Variants in CSMD3 observed in about 807,000 individuals in gnomAD.
CSMD3 encodes CUB and Sushi multiple domains 3.
A neutral mutation model predicts 435.2 loss-of-function variants in CSMD3; 177 were observed. The ratio of observed to expected loss-of-function variants is 0.41; its 90% CI spans 0.36 to 0.46. The LOEUF (loss-of-function observed/expected upper bound fraction) is 0.46. Ranked by LOEUF, CSMD3 falls within the 20% of genes least tolerant of loss-of-function variation. CSMD3 has a pLI of 0.34. For synonymous variants in CSMD3, 1,656 were observed against 1,520.5 expected, an observed-to-expected ratio of 1.09 and a Z score of -2.07; for missense variants, 4,265 against 4,504.6, an observed-to-expected ratio of 0.95 and a Z score of 1.52.
At chr8:112,238,742 A>T (rs1036505775) in intron 66 of CSMD3, among the ~76,000 whole-genome samples, 6 of 151,920 alleles carry the variant, frequency 3.9e-5, no homozygotes, top group Admixed American at 3.3e-4. Context: ...ATAAGTGTTG[A>T]ATTTGATCAA....
At chr8:112,305,082 C>CAGCAA (rs1821296106) in intron 51 of CSMD3, among the ~76,000 whole-genome samples, 167 bp from the exon 52 acceptor site, 1 of 152,100 alleles carries the variant, frequency 6.6e-6, no homozygotes, top group East Asian at 1.9e-4. Flanking sequence ...ATTCCCCTAG[C>CAGCAA]TATATGGTAT....
chr8:112,596,271 G>T (rs1413882768), intron 22 of CSMD3, among the ~76,000 whole-genome samples: 5 of 152,024 alleles, frequency 3.3e-5, no homozygotes, highest in African/African-American at 1.2e-4. Flanking sequence ...GACAAAGAAG[G>T]CCATTACATA....
chr8:112,608,975 A>G (rs1833014615), intron 22 of CSMD3, among the ~76,000 whole-genome samples: 1 of 151,928 alleles, frequency 6.6e-6, no homozygotes. Context: ...TGCAAACAAT[A>G]AAAGCAAAGA....
chr8:112,549,394 G>A (rs1827477521), intron 27 of CSMD3, among the ~76,000 whole-genome samples: 1 of 151,744 alleles, frequency 6.6e-6, no homozygotes, highest in South Asian at 2.1e-4. Flanking sequence ...TATTTAAAGT[G>A]CAAATTTAGA....
At chr8:112,939,020 C>A (rs915975643) in intron 9 of CSMD3, among the ~76,000 whole-genome samples, 1 of 151,876 alleles carries the variant, frequency 6.6e-6, no homozygotes, top group South Asian at 2.1e-4. Flanking sequence ...TATGTATGTA[C>A]GTGATAACTG....
intron 1 of CSMD3, among the ~76,000 whole-genome samples, chr8:113,334,277 G>GT (rs199620801): frequency 0.19 from 14,878 of 78,660 alleles, 968 homozygotes; most frequent in Middle Eastern, 0.25. Context: ...GATAGTTTAA[G>GT]TTTTTTTTTT....
intron 1 of CSMD3, among the ~76,000 whole-genome samples, chr8:113,378,516 G>A (rs751176526): frequency 6.6e-6 from 1 of 152,134 alleles, no homozygotes; most frequent in Admixed American, 6.6e-5. Flanking sequence ...GTAGTTTTAC[G>A]TTATAGTGGA....
chr8:112,292,777 G>T (rs1819897948), intron 54 of CSMD3, 67 bp from the exon 55 acceptor site: 3 of 1,337,686 alleles, frequency 2.2e-6, no homozygotes, highest in African/African-American at 2.9e-5. Context: ...ATCAGTTATT[G>T]CATTATTGAT....
intron 12 of CSMD3, among the ~76,000 whole-genome samples, chr8:112,803,218 A>G (rs1403315164): frequency 6.6e-6 from 1 of 152,298 alleles, no homozygotes; most frequent in Middle Eastern, 3.4e-3. Context: ...TTTTTCTGCT[A>G]TCTCTGCTCT....
At chr8:112,301,620 C>T (rs138172908) in intron 53 of CSMD3, among the ~76,000 whole-genome samples, 173 bp downstream of exon 53, 57 of 152,104 alleles carry the variant, frequency 3.7e-4, no homozygotes, top group African/African-American at 1.3e-3. Flanking sequence ...TTTGATTATT[C>T]CGTTTAGTAG....
intron 24 of CSMD3, among the ~76,000 whole-genome samples, chr8:112,560,509 T>G (rs1437488196): frequency 6.6e-6 from 1 of 151,682 alleles, no homozygotes; most frequent in Non-Finnish European, 1.5e-5. Flanking sequence ...GTAATGCTGA[T>G]AAGAAACTGA....
intron 40 of CSMD3, among the ~76,000 whole-genome samples, chr8:112,350,449 T>C (rs1019856777): frequency 2.0e-5 from 3 of 152,120 alleles, no homozygotes; most frequent in Admixed American, 6.6e-5. Flanking sequence ...AATTCCATCA[T>C]GTAGTTAATG....
chr8:112,285,403 C>T lies in CSMD3; in HGVS notation c.9331+1661G>A, dbSNP rs1380184074. Among the ~76,000 whole-genome samples, 3 of 152,042 alleles carry T rather than the reference C, an allele frequency of 2.0e-5. No homozygotes were observed. The East Asian group carries it at 5.8e-4, about 29-fold the overall frequency. On this transcript the variant is annotated intron_variant, in intron 58 of 70. Coordinates refer to ENST00000297405, the MANE Select transcript of CSMD3 (RefSeq NM_198123.2). The stretch of plus-strand genomic sequence containing the variant: ...TCTTTTCCCTATATCAACTAAGTTG[C>T]AACTCCTTCTTAAGATTATTAAAAC...
At chr8:112,535,217 G>C (rs200982634) in intron 27 of CSMD3, among the ~76,000 whole-genome samples, 47,300 of 150,938 alleles carry the variant, frequency 0.31, 7,497 homozygotes, top group East Asian at 0.46. Flanking sequence ...ATTAGGAAAA[G>C]AGGAAGTCAA....
At chr8:112,615,744 T>C (rs1224433759) in intron 22 of CSMD3, among the ~76,000 whole-genome samples, 1 of 152,098 alleles carries the variant, frequency 6.6e-6, no homozygotes, top group East Asian at 1.9e-4. Context: ...TGTGGGCATA[T>C]GTCTGTTGCC....
At chr8:112,755,439 G>T (rs1264283658) in intron 13 of CSMD3, among the ~76,000 whole-genome samples, 3 of 151,304 alleles carry the variant, frequency 2.0e-5, no homozygotes, top group African/African-American at 7.3e-5. Context: ...GGTTTTATAA[G>T]AGTCTTTTCC....
chr8:112,447,500 T>A (rs1216412589), intron 32 of CSMD3, among the ~76,000 whole-genome samples: 2 of 152,180 alleles, frequency 1.3e-5, no homozygotes, highest in Non-Finnish European at 1.5e-5. Context: ...TTAACCTTCA[T>A]ATAATAAACT....
At position 112,458,230 on chromosome 8, in the gene CSMD3, G is replaced by C. The variant is rs1432344287; in HGVS notation, c.5395+14361C>G. On this transcript the variant is annotated intron_variant, in intron 32 of 70. Transcript: ENST00000297405. The stretch of plus-strand genomic sequence containing the variant: ...ACACTCACACCCACACACACACAGA[G>C]AAACAGAGATAGAGAAAATATCCAT... Among the ~76,000 whole-genome samples the C allele has an allele frequency of 1.8e-4, 12 of 66,906 alleles. No individual in the cohort carries two copies. The South Asian group carries it at 3.6e-3, about 20-fold the overall frequency. The allele number at this position is 66,906 out of a possible 152,430, so 43.9% of individuals were successfully genotyped here.
chr8:112,253,541 G>C (rs2130246022), intron 63 of CSMD3, among the ~76,000 whole-genome samples: 1 of 152,022 alleles, frequency 6.6e-6, no homozygotes, highest in South Asian at 2.1e-4. Flanking sequence ...ACAAAACCCG[G>C]CAACACAGGG....
Sources: allele counts gnomAD v4.1 joint callset (sites outside exome capture counted in the v4.1 genomes callset), GRCh38; gene constraint gnomAD v4.1.1; transcripts MANE v1.5; gene names NCBI Gene and HGNC (gene_info 2026-07-23, HGNC 2026-07-21).